Variants in SLFN12L observed in about 807,000 individuals in gnomAD.
SLFN12L encodes the protein schlafen family member 12 like.
SLFN12L carries 34 observed loss-of-function variants against 34.8 expected under a neutral mutation model. That is an observed-to-expected ratio of 0.98 (90% confidence interval 0.74 to 1.30). The LOEUF (loss-of-function observed/expected upper bound fraction) is 1.30. SLFN12L is among the 50% of genes most tolerant of loss of function. The probability of loss-of-function intolerance (pLI) is 0.00; values close to 1 mark genes in which losing one functional copy is unlikely to be tolerated. For synonymous variants in SLFN12L, 259 were observed against 247.5 expected, an observed-to-expected ratio of 1.05 and a Z score of -0.44; for missense variants, 703 against 696.2, an observed-to-expected ratio of 1.01 and a Z score of -0.11.
In SLFN12L at chr17:35,479,902, T is replaced by G. The variant is rs765448994; in HGVS notation, c.380A>C (p.Asn127Thr). The change falls in exon 3 of 5, where the codon AAC becomes ACC. Residue 127 changes from asparagine (N) to threonine (T), a missense_variant. Asn to Thr is a moderately conservative substitution (Grantham distance 65). Transcript: ENST00000628453. ...GAAATTAGGAACAAATGGCAGCATG[T>G]TACTAAAAGAATTTTCCAAATCTAG... ...IGLDLENSFS[N>T]MLPFVPNFLD... 6.2e-7 allele frequency: 1 copy of G among 1,613,042 alleles called. No individual in the cohort carries two copies. Among genetic ancestry groups the G allele is most frequent in the South Asian group, 1.1e-5 (1 of 90,914 alleles).
chr17:35,485,594 G>T (rs1357925128), intron 2 of SLFN12L, among the ~76,000 whole-genome samples: 1 of 152,096 alleles, frequency 6.6e-6, no homozygotes, highest in African/African-American at 2.4e-5. Context: ...TTTGCCCAGG[G>T]CAATGTCTAG....
At chr17:35,486,226 T>G (rs555654020) in intron 2 of SLFN12L, among the ~76,000 whole-genome samples, 1 of 152,198 alleles carries the variant, frequency 6.6e-6, no homozygotes, top group Non-Finnish European at 1.5e-5. Context: ...ACCTCCTTGA[T>G]TAGCCCCTGC....
intron 2 of SLFN12L, chr17:35,514,812 G>T: frequency 7.5e-6 from 3 of 397,766 alleles, no homozygotes; most frequent in South Asian, 6.1e-5. Context: ...ACAAGTCTCT[G>T]ATTAACTGGT....
intron 2 of SLFN12L, chr17:35,480,506 A>G (rs2142130587): frequency 4.2e-6 from 1 of 236,384 alleles, no homozygotes; most frequent in East Asian, 8.5e-5. Flanking sequence ...TCTTTCTTTA[A>G]GTAAATCCCT....
chr17:35,511,890 C>T (rs1225978651), intron 2 of SLFN12L, among the ~76,000 whole-genome samples: 1 of 152,200 alleles, frequency 6.6e-6, no homozygotes, highest in Non-Finnish European at 1.5e-5. Flanking sequence ...GATACATTGT[C>T]AACATGGCAC....
At position 35,469,304 on chromosome 17, in the gene SLFN12L, AATATATATATATTATATATAT is replaced by A. The variant is rs1567635854; in HGVS notation, c.*5598_*5618del. Among the ~76,000 whole-genome samples, 19 of 139,312 alleles carry A rather than the reference AATATATATATATTATATATAT, an allele frequency of 1.4e-4. No homozygotes were observed. Among genetic ancestry groups the A allele is most frequent in the Non-Finnish European group, 2.3e-4 (15 of 65,762 alleles). The allele number at this position is 139,312 out of a possible 152,430, so 91.4% of individuals were successfully genotyped here. A position where few individuals can be genotyped will look rare whatever the true frequency, so the allele number is the denominator to read the frequency against. Reference sequence around the variant, plus strand: ...TTTTATATAAAATATATATATATAAAATATATATATATTATATATATAAATATATATATAATATATATATAT... The same window carrying A: ...TTTTATATAAAATATATATATATAAAAAATATATATATAATATATATATAT... On this transcript the variant is annotated 3_prime_UTR_variant, in exon 5 of 5. Transcript: ENST00000628453.
intron 2 of SLFN12L, among the ~76,000 whole-genome samples, chr17:35,512,936 T>C (rs189474666): frequency 2.0e-5 from 3 of 152,190 alleles, no homozygotes; most frequent in Admixed American, 6.5e-5. Context: ...CCCCTTTCTC[T>C]GGGCCCGTTC....
intron 1 of SLFN12L, among the ~76,000 whole-genome samples, chr17:35,529,506 T>TA (rs2072370003): frequency 2.0e-5 from 3 of 152,214 alleles, no homozygotes; most frequent in Non-Finnish European, 4.4e-5. Context: ...CATGGAATAC[T>TA]ATGCAGCCAT....
intron 4 of SLFN12L, among the ~76,000 whole-genome samples, chr17:35,476,507 A>AAGGG (rs1159846816): frequency 4.0e-5 from 6 of 149,392 alleles, no homozygotes; most frequent in African/African-American, 1.5e-4. Flanking sequence ...GGAAGGAAGG[A>AAGGG]AGGAAGGAAG....
At chr17:35,525,325 C>G (rs2072323191) in intron 1 of SLFN12L, among the ~76,000 whole-genome samples, 1 of 152,156 alleles carries the variant, frequency 6.6e-6, no homozygotes, top group South Asian at 2.1e-4. Flanking sequence ...CCTAACAAGA[C>G]AGGCCAACAT....
At position 35,525,992 on chromosome 17, in the gene SLFN12L, C is replaced by A. The variant is rs570339907; in HGVS notation, c.-605-3023G>T. ...TCACGTGCAAAGACACACATAGGCT[C>A]AAAATAAAGGGATGGAGGAATATTT... On this transcript the variant is annotated intron_variant, in intron 1 of 4. Coordinates refer to ENST00000628453, the MANE Select transcript of SLFN12L (RefSeq NM_001363830.2). Among the ~76,000 whole-genome samples the A allele has an allele frequency of 6.6e-5, 10 of 152,096 alleles. 1 individual carries two copies. The South Asian group carries it at 1.9e-3, about 28-fold the overall frequency.
chr17:35,476,647 T>A (rs1268123803), intron 4 of SLFN12L, among the ~76,000 whole-genome samples: 1 of 151,836 alleles, frequency 6.6e-6, no homozygotes, highest in Non-Finnish European at 1.5e-5. Context: ...AGTAGAAGGG[T>A]CTTGGTAAAT....
intron 2 of SLFN12L, among the ~76,000 whole-genome samples, chr17:35,514,128 A>G (rs997488919): frequency 6.6e-6 from 1 of 152,252 alleles, no homozygotes; most frequent in Non-Finnish European, 1.5e-5. Flanking sequence ...TGGGGTATAC[A>G]TAAATCTAAT....
intron 2 of SLFN12L, among the ~76,000 whole-genome samples, chr17:35,519,740 C>A (rs1047172030): frequency 2.0e-5 from 3 of 152,126 alleles, no homozygotes; most frequent in African/African-American, 4.8e-5. Flanking sequence ...ATCGCATACA[C>A]CCCTGATATG....
rs185445875 is a variant in SLFN12L, at chr17:35,480,285, A to G, written c.87-90T>C. 24 of 1,027,436 alleles carry G rather than the reference A, an allele frequency of 2.3e-5. No individual in the cohort carries two copies. In the Middle Eastern group the frequency reaches 8.0e-4, roughly 34 times the overall value. The allele number at this position is 1,027,436 out of a possible 1,614,324, so 63.6% of individuals were successfully genotyped here. A position where few individuals can be genotyped will look rare whatever the true frequency, so the allele number is the denominator to read the frequency against. The stretch of plus-strand genomic sequence containing the variant: ...CAAACGTAGAAAAATCCTTTACTGT[A>G]TATTTTCCACTAGACTGGTAAGTAT... On this transcript the variant is annotated intron_variant, in intron 2 of 4. Coordinates refer to ENST00000628453, the MANE Select transcript of SLFN12L (RefSeq NM_001363830.2).
intron 2 of SLFN12L, among the ~76,000 whole-genome samples, chr17:35,496,939 C>T (rs1915104922): frequency 6.6e-6 from 1 of 152,210 alleles, no homozygotes; most frequent in Non-Finnish European, 1.5e-5. Flanking sequence ...ACTCTGTAGG[C>T]GCACATAATT....
At position 35,470,796 on chromosome 17, in the gene SLFN12L, A is replaced by G. The variant is rs1913794463; in HGVS notation, c.*4127T>C. Reference sequence around the variant, plus strand: ...GCTGCACCTATTGACCCATCCTCTGAGTTCCCTCCCCTCACTCTCCCCACC... The same window carrying G: ...GCTGCACCTATTGACCCATCCTCTGGGTTCCCTCCCCTCACTCTCCCCACC... On this transcript the variant is annotated 3_prime_UTR_variant, in exon 5 of 5. Coordinates refer to ENST00000628453, the MANE Select transcript of SLFN12L (RefSeq NM_001363830.2). 6.6e-6 allele frequency among the ~76,000 whole-genome samples: 1 copy of G among 151,132 alleles called. No individual in the cohort carries two copies. The highest frequency in any genetic ancestry group is 1.5e-5 in the Non-Finnish European group (1 of 67,778).
chr17:35,525,692 C>T (rs1271407223), intron 1 of SLFN12L, among the ~76,000 whole-genome samples: 1 of 152,176 alleles, frequency 6.6e-6, no homozygotes, highest in Non-Finnish European at 1.5e-5. Flanking sequence ...GCCTGCCTTA[C>T]AAGAGCTCCT....
chr17:35,503,536 A>T lies in SLFN12L; in HGVS notation c.86+18743T>A, dbSNP rs373824994. Among the ~76,000 whole-genome samples, 5 of 152,188 alleles carry T rather than the reference A, an allele frequency of 3.3e-5. No individual in the cohort carries two copies. In the East Asian group the frequency reaches 9.6e-4, roughly 29 times the overall value. On this transcript the variant is annotated intron_variant, in intron 2 of 4. Coordinates refer to ENST00000628453, the MANE Select transcript of SLFN12L (RefSeq NM_001363830.2). ...AAAAATCATACAAGAAGAATTGTCA[A>T]ATATAAAATAGTGTTTGGCTTCTTT...
Sources: allele counts gnomAD v4.1 joint callset (sites outside exome capture counted in the v4.1 genomes callset), GRCh38; gene constraint gnomAD v4.1.1; transcripts MANE v1.5; gene names NCBI Gene and HGNC (gene_info 2026-07-23, HGNC 2026-07-21).